Variants in HDAC5 observed in about 807,000 individuals in gnomAD.
The protein encoded by HDAC5 is antigen NY-CO-9.
HDAC5 carries 25 observed loss-of-function variants against 133.3 expected under a neutral mutation model. The observed-to-expected ratio is 0.19, with a 90% confidence interval of 0.14 to 0.26. The LOEUF is 0.26. Among genes scored for constraint, HDAC5 ranks in the 10% least tolerant of loss-of-function variants. The probability of loss-of-function intolerance (pLI) is 1.00; values close to 1 mark genes in which losing one functional copy is unlikely to be tolerated. For missense variants in HDAC5, 1,041 were observed against 1,460.5 expected, an observed-to-expected ratio of 0.71 and a Z score of 4.68; for synonymous variants, 589 against 610.8, an observed-to-expected ratio of 0.96 and a Z score of 0.53.
Position 44,078,353 on chromosome 17 carries a change from C to T in HDAC5, c.*23G>A, listed in dbSNP as rs2050208507. 2 of 1,525,706 alleles carry T rather than the reference C, an allele frequency of 1.3e-6. No individual in the cohort carries two copies. The highest frequency in any genetic ancestry group is 2.3e-5 in the East Asian group (1 of 43,766). 94.5% of individuals were successfully genotyped at this position (1,525,706 alleles called of 1,614,324 possible). A position where few individuals can be genotyped will look rare whatever the true frequency, so the allele number is the denominator to read the frequency against. On this transcript the variant is annotated 3_prime_UTR_variant, in exon 27 of 27. Coordinates refer to ENST00000682912, the MANE Select transcript of HDAC5 (RefSeq NM_005474.5). The stretch of plus-strand genomic sequence containing the variant: ...ATAAACAAAATCACAATGGTGAAGC[C>T]CAGAGGGATGGGGGCCGGGGCGTCA...
intron 20 of HDAC5, 24 bp downstream of exon 20, chr17:44,082,561 C>T (rs1470127496): frequency 1.9e-6 from 3 of 1,590,210 alleles, no homozygotes; most frequent in Non-Finnish European, 2.6e-6. Flanking sequence ...CGCCCCTGCC[C>T]AGCCCCACCA....
At chr17:44,122,125 A>G (rs894392389) in intron 1 of HDAC5, among the ~76,000 whole-genome samples, 1 of 152,086 alleles carries the variant, frequency 6.6e-6, no homozygotes, top group Non-Finnish European at 1.5e-5. Context: ...GCAGCCCCCA[A>G]CATGGCTCAT....
chr17:44,120,261 G>C (rs1332779544), intron 1 of HDAC5, among the ~76,000 whole-genome samples: 1 of 152,200 alleles, frequency 6.6e-6, no homozygotes, highest in East Asian at 1.9e-4. Context: ...TTCCTGGGGA[G>C]TCAGGTGTCC....
At chr17:44,121,339 A>G (rs983412849) in intron 1 of HDAC5, among the ~76,000 whole-genome samples, 2 of 152,030 alleles carry the variant, frequency 1.3e-5, no homozygotes, top group Non-Finnish European at 2.9e-5. Flanking sequence ...GTCGGCTACA[A>G]TAGGCCCCCT....
chr17:44,109,941 T>C (rs1299691539), intron 3 of HDAC5, among the ~76,000 whole-genome samples: 1 of 152,226 alleles, frequency 6.6e-6, no homozygotes, highest in Non-Finnish European at 1.5e-5. Context: ...GCCAACAGGT[T>C]CCTGGGAGTG....
Position 44,079,067 on chromosome 17 carries a change from C to T in HDAC5, c.3078+77G>A, listed in dbSNP as rs959165107. 33 of 1,567,144 alleles carry T rather than the reference C, an allele frequency of 2.1e-5. No individual in the cohort carries two copies. The African/African-American group carries it at 3.5e-4, about 17-fold the overall frequency. Reference sequence around the variant, plus strand: ...GACCAAGGAAAAGCTTCCTAAGGGGCTCCCAGTGCTGGCTGACCCCTTGCT... The same window carrying T: ...GACCAAGGAAAAGCTTCCTAAGGGGTTCCCAGTGCTGGCTGACCCCTTGCT... On this transcript the variant is annotated intron_variant, in intron 24 of 26. Transcript: ENST00000682912.
chr17:44,097,604 G>A (rs978082065), intron 3 of HDAC5, among the ~76,000 whole-genome samples: 3 of 152,246 alleles, frequency 2.0e-5, no homozygotes, highest in Middle Eastern at 3.2e-3. Context: ...TGAGCTGGCC[G>A]GAGGGTTATC....
rs2050196319 is a variant in HDAC5, at chr17:44,078,077, C to T, written c.*299G>A. 1 of 316,972 alleles carries T rather than the reference C, an allele frequency of 3.2e-6. No homozygotes were observed. The highest frequency in any genetic ancestry group is 5.8e-6 in the Non-Finnish European group (1 of 172,856). The allele number at this position is 316,972 out of a possible 1,614,324, so 19.6% of individuals were successfully genotyped here. On this transcript the variant is annotated 3_prime_UTR_variant, in exon 27 of 27. Coordinates refer to ENST00000682912, the MANE Select transcript of HDAC5 (RefSeq NM_005474.5). ...GGAGAGTACTGTCTGGGCCCCCGTG[C>T]CCACCTTGAGCTGGCCCAGGCTCCA... is the stretch of plus-strand genomic sequence containing the variant.
At chr17:44,079,988 A>AG in intron 23 of HDAC5, 119 bp downstream of exon 23, 1 of 774,488 alleles carries the variant, frequency 1.3e-6, no homozygotes, top group Admixed American at 1.8e-5. Flanking sequence ...TTCCAAGTCT[A>AG]GGCCCTGCCC....
chr17:44,080,894 G>C lies in HDAC5; in HGVS notation c.2608-12C>G, dbSNP rs547675867. 6.2e-7 allele frequency: 1 copy of C among 1,614,092 alleles called. No homozygotes were observed. Among genetic ancestry groups the C allele is most frequent in the South Asian group, 1.1e-5 (1 of 91,074 alleles). On this transcript the variant is annotated splice_polypyrimidine_tract_variant and intron_variant, in intron 20 of 26. Transcript: ENST00000682912. ...CCATGGTGAATGTCCTATGAGGGGA[G>C]GTAGAAGCATCGGGAAAATGGCCCG...
In HDAC5 at chr17:44,085,159, G is replaced by A. The variant is rs2050587483; in HGVS notation, c.2051-4C>T. ...ATGAACGTGTCGTAGACCACACCTG[G>A]GCCACAGACCTATGTGTCAGCCAGC... is the stretch of plus-strand genomic sequence containing the variant. On this transcript the variant is annotated splice_polypyrimidine_tract_variant and splice_region_variant and intron_variant, in intron 14 of 26. Coordinates refer to ENST00000682912, the MANE Select transcript of HDAC5 (RefSeq NM_005474.5). 1.3e-6 allele frequency: 2 copies of A among 1,587,664 alleles called. No homozygotes were observed. The highest frequency in any genetic ancestry group is 8.6e-7 in the Non-Finnish European group (1 of 1,158,632).
chr17:44,101,455 C>A (rs946585579), intron 3 of HDAC5, among the ~76,000 whole-genome samples: 2 of 150,596 alleles, frequency 1.3e-5, no homozygotes, highest in Admixed American at 1.3e-4. Context: ...GAGCCACCAG[C>A]CCCAGAAAGC....
chr17:44,110,963 CA>C, intron 2 of HDAC5, 163 bp from the exon 3 acceptor site: 1 of 632,428 alleles, frequency 1.6e-6, no homozygotes, highest in Non-Finnish European at 2.9e-6. Context: ...TCCCTCAGGC[CA>C]CTGCCGACGG....
At chr17:44,100,015 T>C (rs1161755298) in intron 3 of HDAC5, among the ~76,000 whole-genome samples, 1 of 152,090 alleles carries the variant, frequency 6.6e-6, no homozygotes, top group African/African-American at 2.4e-5. Context: ...GGAGATGATG[T>C]AGGTGCTCGT....
intron 6 of HDAC5, 125 bp from the exon 7 acceptor site, chr17:44,092,931 G>A (rs1400356715): frequency 4.6e-6 from 3 of 654,832 alleles, no homozygotes; most frequent in Non-Finnish European, 5.3e-6. Context: ...GTGGATCTTG[G>A]GGAAGGAATG....
chr17:44,122,689 T>C (rs2053085383), intron 1 of HDAC5, among the ~76,000 whole-genome samples: 1 of 152,086 alleles, frequency 6.6e-6, no homozygotes, highest in Non-Finnish European at 1.5e-5. Flanking sequence ...ACCCAGCCAG[T>C]TCTCATCTTC....
chr17:44,099,660 G>A (rs539492140), intron 3 of HDAC5, among the ~76,000 whole-genome samples: 6 of 152,058 alleles, frequency 3.9e-5, no homozygotes, highest in Non-Finnish European at 7.4e-5. Context: ...ATTTTTAGTA[G>A]AGACGGGGTT....
intron 7 of HDAC5, 51 bp from the exon 8 acceptor site, chr17:44,092,578 G>C: frequency 6.3e-7 from 1 of 1,581,830 alleles, no homozygotes. Flanking sequence ...GCACACATCT[G>C]CAGCTGAGCC....
rs1203342607 is a variant in HDAC5, at chr17:44,079,118, C to T, written c.3078+26G>A. 4.4e-6 allele frequency: 7 copies of T among 1,600,684 alleles called. No individual in the cohort carries two copies. In the East Asian group the frequency reaches 6.7e-5, roughly 15 times the overall value. On this transcript the variant is annotated intron_variant, in intron 24 of 26. Coordinates refer to ENST00000682912, the MANE Select transcript of HDAC5 (RefSeq NM_005474.5). Reference sequence around the variant, plus strand: ...GGCCCCTCAGACCTCTGGCCTGCCACCTCCCAGCTCCTTCCCACCCCTTAC... The same window carrying T: ...GGCCCCTCAGACCTCTGGCCTGCCATCTCCCAGCTCCTTCCCACCCCTTAC...
Sources: allele counts gnomAD v4.1 joint callset (sites outside exome capture counted in the v4.1 genomes callset), GRCh38; gene constraint gnomAD v4.1.1; transcripts MANE v1.5; gene names NCBI Gene and HGNC (gene_info 2026-07-23, HGNC 2026-07-21).